Variants in HTR1D observed in about 807,000 individuals in gnomAD.
HTR1D encodes the protein 5-HT-1D.
A neutral mutation model predicts 21.1 loss-of-function variants in HTR1D; 18 were observed. The observed-to-expected ratio is 0.85, with a 90% CI of 0.59 to 1.27. HTR1D has a LOEUF of 1.27. Ranked by LOEUF, HTR1D falls within the 50% of genes most tolerant of loss-of-function variation. The pLI is 0.00. For missense variants in HTR1D, 456 were observed against 481.4 expected, an observed-to-expected ratio of 0.95 and a Z score of 0.49; for synonymous variants, 196 against 204.4, an observed-to-expected ratio of 0.96 and a Z score of 0.35.
intron 1 of HTR1D, among the ~76,000 whole-genome samples, chr1:23,203,816 CA>C (rs1553146292): frequency 1.3e-5 from 2 of 152,108 alleles, no homozygotes; most frequent in Non-Finnish European, 2.9e-5. Flanking sequence ...CTATTCATAA[CA>C]ACCCCAAATT....
intron 1 of HTR1D, among the ~76,000 whole-genome samples, chr1:23,208,433 T>C (rs1644740499): frequency 6.6e-6 from 1 of 152,058 alleles, no homozygotes; most frequent in African/African-American, 2.4e-5. Flanking sequence ...TAGCTGGGCA[T>C]GGAGGCACAT....
At chr1:23,209,269 G>A (rs1367082639) in intron 1 of HTR1D, among the ~76,000 whole-genome samples, 1 of 152,102 alleles carries the variant, frequency 6.6e-6, no homozygotes, top group African/African-American at 2.4e-5. Context: ...AAAGTGCCTG[G>A]GATTACAGGC....
chr1:23,209,921 A>C (rs995791175), intron 1 of HTR1D, among the ~76,000 whole-genome samples: 1 of 152,160 alleles, frequency 6.6e-6, no homozygotes, highest in Non-Finnish European at 1.5e-5. Flanking sequence ...CTATCACCTG[A>C]GCAGGCCCTC....
intron 1 of HTR1D, among the ~76,000 whole-genome samples, chr1:23,207,421 A>AT (rs964298973): frequency 6.6e-6 from 1 of 152,172 alleles, no homozygotes; most frequent in African/African-American, 2.4e-5. Context: ...GAAAAAAAAA[A>AT]AATCTGTTAA....
rs150357675 is a variant in HTR1D, at chr1:23,217,142, G to A, written c.-783+149C>T. Among the ~76,000 whole-genome samples, 11 of 151,930 alleles carry A rather than the reference G, an allele frequency of 7.2e-5. No homozygotes were observed. Among genetic ancestry groups the A allele is most frequent in the Non-Finnish European group, 7.4e-5 (5 of 67,866 alleles). Reference sequence around the variant, plus strand: ...CCCTCCGGCCGGGCAGGTCCTCCGGGACCCTCTCCCTGGCGCGCGCCCGTC... The same window carrying A: ...CCCTCCGGCCGGGCAGGTCCTCCGGAACCCTCTCCCTGGCGCGCGCCCGTC... On this transcript the variant is annotated intron_variant, in intron 1 of 1. Transcript: ENST00000374619. This position sits in a 1 kb window ranked among gnomAD's most constrained non-coding sequence, Gnocchi z 4.6.
chr1:23,196,082 C>A (rs1433135106), intron 1 of HTR1D, among the ~76,000 whole-genome samples: 1 of 151,898 alleles, frequency 6.6e-6, no homozygotes, highest in East Asian at 2.0e-4. Flanking sequence ...CTTAAGCGAT[C>A]CTCCAGCCTT....
At chr1:23,205,972 T>C (rs1644728683) in intron 1 of HTR1D, among the ~76,000 whole-genome samples, 1 of 152,154 alleles carries the variant, frequency 6.6e-6, no homozygotes, top group Non-Finnish European at 1.5e-5. Flanking sequence ...CCTTCTTGGC[T>C]TCAATGGTCT....
chr1:23,192,072 A>G lies in HTR1D; in HGVS notation c.*1014T>C, dbSNP rs1165510482. The stretch of plus-strand genomic sequence containing the variant: ...GTCTAAAGCCGGTCAATCTACCTCA[A>G]AGGGGTGATCATGGGTTTCAACTTC... On this transcript the variant is annotated 3_prime_UTR_variant, in exon 2 of 2. Coordinates refer to ENST00000374619, the MANE Select transcript of HTR1D (RefSeq NM_000864.5). The G allele has an allele frequency of 6.6e-6, 1 of 151,986 alleles. No individual in the cohort carries two copies. Among genetic ancestry groups the G allele is most frequent in the Non-Finnish European group, 1.5e-5 (1 of 67,988 alleles). 9.4% of individuals were successfully genotyped at this position (151,986 alleles called of 1,614,324 possible).
intron 1 of HTR1D, among the ~76,000 whole-genome samples, chr1:23,204,136 T>A (rs904310323): frequency 1.3e-5 from 2 of 152,054 alleles, no homozygotes; most frequent in Non-Finnish European, 2.9e-5. Context: ...GTCTCTTTTT[T>A]TTTTTTTGAG....
Position 23,192,047 on chromosome 1 carries a change from G to A in HTR1D, c.*1039C>T, listed in dbSNP as rs749455161. On this transcript the variant is annotated 3_prime_UTR_variant, in exon 2 of 2. Coordinates refer to ENST00000374619, the MANE Select transcript of HTR1D (RefSeq NM_000864.5). The stretch of plus-strand genomic sequence containing the variant: ...AGCTTGCGGTGGGTGGGGGGTGGGC[G>A]TCTAAAGCCGGTCAATCTACCTCAA... The A allele has an allele frequency of 5.3e-5, 8 of 151,542 alleles. No individual in the cohort carries two copies. Among genetic ancestry groups the A allele is most frequent in the South Asian group, 2.1e-4 (1 of 4,754 alleles). The allele number at this position is 151,542 out of a possible 1,614,324, so 9.4% of individuals were successfully genotyped here. A position where few individuals can be genotyped will look rare whatever the true frequency, so the allele number is the denominator to read the frequency against.
chr1:23,199,291 T>G (rs1644701016), intron 1 of HTR1D, among the ~76,000 whole-genome samples: 1 of 151,982 alleles, frequency 6.6e-6, no homozygotes, highest in Non-Finnish European at 1.5e-5. Context: ...TTTTTAAATT[T>G]TTTTGTAGAG....
intron 1 of HTR1D, among the ~76,000 whole-genome samples, chr1:23,197,661 G>C (rs868621081): frequency 4.1e-4 from 62 of 151,684 alleles, no homozygotes; most frequent in African/African-American, 1.5e-3. Flanking sequence ...GGCAGAGGTT[G>C]CAGTGAGCCA....
At chr1:23,213,847 G>A (rs1045984301) in intron 1 of HTR1D, among the ~76,000 whole-genome samples, 3 of 152,008 alleles carry the variant, frequency 2.0e-5, no homozygotes, top group African/African-American at 4.8e-5. Context: ...TGTGAGCCAC[G>A]CTACCCAGCC....
intron 1 of HTR1D, among the ~76,000 whole-genome samples, chr1:23,200,929 AG>A (rs2148240210): frequency 6.6e-6 from 1 of 152,224 alleles, no homozygotes; most frequent in South Asian, 2.1e-4. Flanking sequence ...CTCCACCTCC[AG>A]GCCACAGCAT....
At chr1:23,214,221 G>A (rs1644764982) in intron 1 of HTR1D, among the ~76,000 whole-genome samples, 1 of 152,112 alleles carries the variant, frequency 6.6e-6, no homozygotes, top group Non-Finnish European at 1.5e-5. Context: ...GAGCTCAGGA[G>A]TTCAAGACCA....
chr1:23,193,536 G>C lies in HTR1D; in HGVS notation c.684C>G (p.Ile228Met), dbSNP rs1467997298. 6.2e-7 allele frequency: 1 copy of C among 1,614,052 alleles called. No homozygotes were observed. Among genetic ancestry groups the C allele is most frequent in the Non-Finnish European group, 8.5e-7 (1 of 1,179,906 alleles). Reference sequence around the variant, plus strand: ...TCCCATAGAGTGAGGGTGGATTCAGGATGCGGTTCCGGGCAGCCCGGTAGA... The same window carrying C: ...TCCCATAGAGTGAGGGTGGATTCAGCATGCGGTTCCGGGCAGCCCGGTAGA... ...GRIYRAARNR[I>M]LNPPSLYGKR... Residue 228 changes from isoleucine (I) to methionine (M), a missense_variant, in exon 2 of 2, where the codon ATC becomes ATG. Physicochemically the swap from Ile to Met is conservative, Grantham distance 10 (BLOSUM62 1). Transcript: ENST00000374619.
In HTR1D at chr1:23,193,082, A is replaced by G. The variant is rs1442626763; in HGVS notation, c.*4T>C. On this transcript the variant is annotated 3_prime_UTR_variant, in exon 2 of 2. Transcript: ENST00000374619. The stretch of plus-strand genomic sequence containing the variant: ...AAGATAACAAGAGTCATCACCGAAT[A>G]AGACTAGGAGGCCTTCCGGAAAGGG... 1.3e-6 allele frequency: 2 copies of G among 1,586,374 alleles called. No individual in the cohort carries two copies. Among genetic ancestry groups the G allele is most frequent in the Non-Finnish European group, 8.6e-7 (1 of 1,165,466 alleles).
At chr1:23,212,869 T>C (rs1644759066) in intron 1 of HTR1D, among the ~76,000 whole-genome samples, 1 of 151,384 alleles carries the variant, frequency 6.6e-6, no homozygotes. Flanking sequence ...CTCTGTTGTC[T>C]AGGCTGGAGC....
chr1:23,210,451 A>G (rs1269148499), intron 1 of HTR1D, among the ~76,000 whole-genome samples: 1 of 152,224 alleles, frequency 6.6e-6, no homozygotes, highest in Non-Finnish European at 1.5e-5. Context: ...CAGTAGTGTC[A>G]GCCCTGGGAT....
Sources: gnomAD v4.1 joint callset for allele counts (sites outside exome capture counted in the v4.1 genomes callset) on GRCh38, gnomAD v4.1.1 for gene constraint, Gnocchi (gnomAD v3.1) non-coding constraint, MANE v1.5 for transcripts, NCBI Gene and HGNC (gene_info 2026-07-23, HGNC 2026-07-21) for gene names.